HIVEP2: variants seen among roughly 807,000 people sequenced by gnomAD.
The protein encoded by HIVEP2 is transcription factor HIVEP2.
HIVEP2 carries 14 observed loss-of-function variants against 180.7 expected under a neutral mutation model. The ratio of observed to expected loss-of-function variants is 0.08; its 90% CI spans 0.05 to 0.12. HIVEP2 has a LOEUF of 0.12. Among genes scored for constraint, HIVEP2 ranks in the 10% least tolerant of loss-of-function variants. The pLI, the probability that HIVEP2 is intolerant of heterozygous loss-of-function variation, is 1.00. For missense variants in HIVEP2, 2,579 were observed against 3,008.5 expected (o/e 0.86, Z 3.34); for synonymous variants, 1,184 against 1,136.4 (o/e 1.04, Z -0.84).
At chr6:142,807,183 T>C (rs75156945) in intron 2 of HIVEP2, among the ~76,000 whole-genome samples, 7,768 of 151,760 alleles carry the variant, frequency 0.051, 273 homozygotes, top group Middle Eastern at 0.11. Context: ...CAAGGAGGAG[T>C]CAACTTGGCC....
intron 2 of HIVEP2, among the ~76,000 whole-genome samples, chr6:142,811,797 C>T (rs1176421042): frequency 1.3e-5 from 2 of 152,172 alleles, no homozygotes; most frequent in Non-Finnish European, 2.9e-5. Context: ...TTCAAACTAA[C>T]GGATATCATA....
chr6:142,945,424 A>C (rs1778303378), upstream of HIVEP2, among the ~76,000 whole-genome samples: 1 of 151,964 alleles, frequency 6.6e-6, no homozygotes, highest in Admixed American at 6.5e-5. The surrounding 1 kb of genome is among the most constrained non-coding windows in gnomAD (Gnocchi z 5.5). Context: ...CGGCGATTCC[A>C]ATATAAAGTG....
At chr6:142,840,069 G>C (rs1775324434) in intron 1 of HIVEP2, among the ~76,000 whole-genome samples, 1 of 152,108 alleles carries the variant, frequency 6.6e-6, no homozygotes, top group South Asian at 2.1e-4. Flanking sequence ...CAGAGTGAGA[G>C]AGAACAGACC....
intron 1 of HIVEP2, among the ~76,000 whole-genome samples, chr6:142,837,812 G>T (rs1775261104): frequency 6.6e-6 from 1 of 151,992 alleles, no homozygotes; most frequent in South Asian, 2.1e-4. Context: ...ATGCTAGAGG[G>T]TTGAGCAGAA....
At chr6:142,817,426 G>C (rs922934183) in intron 2 of HIVEP2, among the ~76,000 whole-genome samples, 1 of 152,124 alleles carries the variant, frequency 6.6e-6, no homozygotes, top group African/African-American at 2.4e-5. Flanking sequence ...CAATCACAAT[G>C]CCAAATCTAA....
At chr6:142,843,765 T>G (rs111823674) in intron 1 of HIVEP2, among the ~76,000 whole-genome samples, 1 of 152,236 alleles carries the variant, frequency 6.6e-6, no homozygotes, top group African/African-American at 2.4e-5. Context: ...CTTAGTCTTA[T>G]GCAAATTTTC....
At chr6:142,822,038 T>C (rs1777055984) in intron 2 of HIVEP2, among the ~76,000 whole-genome samples, 1 of 152,226 alleles carries the variant, frequency 6.6e-6, no homozygotes, top group Non-Finnish European at 1.5e-5. Context: ...CTCATTCCCT[T>C]GGCACTAAGA....
chr6:142,833,740 C>A (rs1775153630), intron 2 of HIVEP2, among the ~76,000 whole-genome samples: 1 of 152,098 alleles, frequency 6.6e-6, no homozygotes, highest in African/African-American at 2.4e-5. Flanking sequence ...CTCAAATAAG[C>A]TAACAGTACT....
intron 1 of HIVEP2, among the ~76,000 whole-genome samples, chr6:142,858,621 C>T (rs1187890051): frequency 2.6e-5 from 4 of 151,716 alleles, no homozygotes; most frequent in Non-Finnish European, 5.9e-5. Context: ...GATGGAGTTT[C>T]ACTCTCGTTG....
chr6:142,812,943 C>G (rs1776735304), intron 2 of HIVEP2, among the ~76,000 whole-genome samples: 1 of 152,094 alleles, frequency 6.6e-6, no homozygotes, highest in African/African-American at 2.4e-5. Context: ...AGACAAAATA[C>G]TTGGCCCTAC....
rs183513226 is a variant in HIVEP2 at position 142,760,121 on chromosome 6, C to G, written c.6167G>C (p.Arg2056Pro). The change falls in exon 9 of 10, where the codon CGA (arginine) becomes CCA (proline). Residue 2056 changes from arginine (R) to proline (P), a missense_variant. Transcript: ENST00000367603. ...CAGATACCTCTTTGGTGAATTATCT[C>G]GACAGGGTGAAGAATCATATCCTGG... The part of the protein sequence containing the change: ...SSPGYDSSPC[R>P]DNSPKRYLIP... 1 of 1,614,040 alleles carries G rather than the reference C, an allele frequency of 6.2e-7. No individual in the cohort carries two copies. The highest frequency in any genetic ancestry group is 1.7e-5 in the Admixed American group (1 of 60,018).
rs377198826 is a variant in HIVEP2 at position 142,792,281 on chromosome 6, A to G, written c.-527-8666T>C. Among the ~76,000 whole-genome samples, 16 of 152,342 alleles carry G rather than the reference A, an allele frequency of 1.1e-4. No homozygotes were observed. In the East Asian group the frequency reaches 2.3e-3, roughly 22 times the overall value. ...AGCCTGAAAAAGAATAAAGATTAAG[A>G]AGAAGTTTGTTTTAAGGCAAGGAGA... On this transcript the variant is annotated intron_variant, in intron 2 of 9. Transcript: ENST00000367603.
chr6:142,859,867 A>C (rs1341100968), intron 1 of HIVEP2, among the ~76,000 whole-genome samples: 1 of 151,206 alleles, frequency 6.6e-6, no homozygotes, highest in Non-Finnish European at 1.5e-5. Flanking sequence ...AAAGAAAGAA[A>C]GAAAAAGAAA....
chr6:142,818,451 T>G (rs1044124152), intron 2 of HIVEP2, among the ~76,000 whole-genome samples: 2 of 150,516 alleles, frequency 1.3e-5, no homozygotes, highest in African/African-American at 4.9e-5. Context: ...CCAAAGCGGG[T>G]GGATCACTTG....
At chr6:142,938,903 G>C (rs1302328242) in intron 1 of HIVEP2, among the ~76,000 whole-genome samples, 1 of 152,158 alleles carries the variant, frequency 6.6e-6, no homozygotes, top group East Asian at 1.9e-4. Flanking sequence ...TAATGATTTA[G>C]ATACAGCTGG....
intron 1 of HIVEP2, among the ~76,000 whole-genome samples, chr6:142,848,805 A>C (rs1486111136): frequency 6.6e-6 from 1 of 152,140 alleles, no homozygotes; most frequent in East Asian, 1.9e-4. Context: ...AAGTCACCCA[A>C]ATAACTGCTG....
intron 1 of HIVEP2, among the ~76,000 whole-genome samples, chr6:142,849,520 T>A (rs1279503930): frequency 6.7e-6 from 1 of 149,646 alleles, no homozygotes; most frequent in Admixed American, 6.7e-5. Flanking sequence ...TTTATTTATT[T>A]TTTTTTTTTT....
At chr6:142,796,638 G>A (rs1378493199) in intron 2 of HIVEP2, among the ~76,000 whole-genome samples, 3 of 152,144 alleles carry the variant, frequency 2.0e-5, no homozygotes, top group African/African-American at 7.2e-5. Context: ...AAGCAATCCA[G>A]CTTTTTCTAA....
At chr6:142,925,465 T>C (rs1374983764) in intron 1 of HIVEP2, among the ~76,000 whole-genome samples, 1 of 152,174 alleles carries the variant, frequency 6.6e-6, no homozygotes, top group Non-Finnish European at 1.5e-5. Flanking sequence ...CCATAACAAC[T>C]TGAACTAAGC....
Sources: gnomAD v4.1 joint callset for allele counts (sites outside exome capture counted in the v4.1 genomes callset) on GRCh38, gnomAD v4.1.1 for gene constraint, Gnocchi (gnomAD v3.1) non-coding constraint, MANE v1.5 for transcripts, NCBI Gene and HGNC (gene_info 2026-07-23, HGNC 2026-07-21) for gene names.